SVEP1: variants seen among roughly 807,000 people sequenced by gnomAD.
The protein encoded by SVEP1 is sushi, von Willebrand factor type A, EGF and pentraxin domain containing 1.
In SVEP1, 164 loss-of-function variants were observed where a neutral mutation model predicts 367.3. The ratio of observed to expected loss-of-function variants is 0.45; its 90% CI spans 0.39 to 0.51. SVEP1 has a LOEUF of 0.51. Among genes scored for constraint, SVEP1 ranks in the 20% least tolerant of loss-of-function variants. SVEP1 has a pLI of 0.00. For synonymous variants in SVEP1, 1,666 were observed against 1,611.6 expected, an observed-to-expected ratio of 1.03 and a Z score of -0.81; for missense variants, 4,117 against 4,425.3, an observed-to-expected ratio of 0.93 and a Z score of 1.98.
intron 36 of SVEP1, among the ~76,000 whole-genome samples, chr9:110,414,181 G>C (rs530249307): frequency 2.4e-4 from 37 of 152,130 alleles, no homozygotes; most frequent in African/African-American, 8.7e-4. Flanking sequence ...CATTAGCAAA[G>C]ATTAATTCAT....
chr9:110,445,749 T>A (rs1209816505), intron 26 of SVEP1, 88 bp downstream of exon 26: 1 of 1,449,212 alleles, frequency 6.9e-7, no homozygotes, highest in Non-Finnish European at 9.6e-7. Context: ...CCTGACCCTC[T>A]ACTTTCCCAT....
intron 9 of SVEP1, 90 bp from the exon 10 acceptor site, chr9:110,483,783 C>A: frequency 1.1e-6 from 1 of 898,764 alleles, no homozygotes; most frequent in African/African-American, 1.7e-5. Flanking sequence ...TCGGCTTGTG[C>A]TGGCAGACAG....
At chr9:110,520,348 A>C (rs1008120133) in intron 3 of SVEP1, among the ~76,000 whole-genome samples, 3 of 152,224 alleles carry the variant, frequency 2.0e-5, no homozygotes, top group Non-Finnish European at 4.4e-5. Context: ...CAAGTTTCAC[A>C]AGTCTCCGTA....
chr9:110,484,549 G>A (rs889712725), intron 9 of SVEP1, among the ~76,000 whole-genome samples: 1 of 152,122 alleles, frequency 6.6e-6, no homozygotes, highest in South Asian at 2.1e-4. Context: ...ATTTTATGAC[G>A]AAAACATCAA....
At chr9:110,472,360 G>A (rs745542682) in intron 14 of SVEP1, 37 bp from the exon 15 acceptor site, 2 of 1,525,530 alleles carry the variant, frequency 1.3e-6, no homozygotes, top group Non-Finnish European at 1.8e-6. Flanking sequence ...TGATCACACA[G>A]TTGCTTTTTC....
Position 110,407,935 on chromosome 9 carries a change from G to C in SVEP1, c.7665C>G (p.His2555Gln). ...DVDAPSCNAI[H>Q]CDSPQPIENG... ...TTTCAATGGGTTGTGGGGAATCACA[G>C]TGGATGGCATTGCAAGATGGGGCAT... is the stretch of plus-strand genomic sequence containing the variant. Residue 2555 changes from histidine to glutamine, a missense_variant, in exon 38 of 48, where the codon CAC becomes CAG. By Grantham distance (24) the His-to-Gln change is conservative (BLOSUM62 0). Transcript: ENST00000374469. 1 of 1,613,984 alleles carries C rather than the reference G, an allele frequency of 6.2e-7. No individual in the cohort carries two copies. Among genetic ancestry groups the C allele is most frequent in the Non-Finnish European group, 8.5e-7 (1 of 1,179,890 alleles).
intron 5 of SVEP1, among the ~76,000 whole-genome samples, chr9:110,504,225 T>C (rs1486131844): frequency 6.6e-6 from 1 of 151,236 alleles, no homozygotes; most frequent in Non-Finnish European, 1.5e-5. Context: ...CGGCTATTTT[T>C]TTTTTTGAAT....
intron 17 of SVEP1, among the ~76,000 whole-genome samples, chr9:110,468,159 C>A (rs76830088): frequency 0.028 from 4,262 of 152,286 alleles, 185 homozygotes; most frequent in African/African-American, 0.097. Context: ...CCTAACACAC[C>A]AGGCTAACTG....
chr9:110,378,878 T>C (rs1827391274), intron 44 of SVEP1, among the ~76,000 whole-genome samples: 1 of 151,444 alleles, frequency 6.6e-6, no homozygotes, highest in South Asian at 2.1e-4. Flanking sequence ...AACCCGCATG[T>C]TGTGTGCATG....
chr9:110,484,744 A>G (rs1372091047), intron 9 of SVEP1, among the ~76,000 whole-genome samples: 2 of 149,082 alleles, frequency 1.3e-5, no homozygotes, highest in African/African-American at 2.5e-5. Context: ...GATTTACAAG[A>G]AAAAAAAAAC....
chr9:110,548,410 C>G (rs1830245362), intron 2 of SVEP1, among the ~76,000 whole-genome samples: 1 of 151,940 alleles, frequency 6.6e-6, no homozygotes, highest in African/African-American at 2.4e-5. Context: ...GTATAACAAG[C>G]CATCAGGAAC....
intron 40 of SVEP1, among the ~76,000 whole-genome samples, chr9:110,396,284 T>G (rs1827757640): frequency 6.6e-6 from 1 of 150,912 alleles, no homozygotes; most frequent in African/African-American, 2.4e-5. Context: ...GAAATAAAGA[T>G]GTTCTTTGAA....
Position 110,576,760 on chromosome 9 carries a change from C to G in SVEP1, c.531+2253G>C, listed in dbSNP as rs1013718945. ...TAGATGTAAACTTGAAAAATATATA[C>G]AGGACTTAACTTCTAAAAATCTACA... On this transcript the variant is annotated intron_variant, in intron 1 of 47. Coordinates refer to ENST00000374469, the MANE Select transcript of SVEP1 (RefSeq NM_153366.4). Among the ~76,000 whole-genome samples, 26 of 151,952 alleles carry G rather than the reference C, an allele frequency of 1.7e-4. 1 individual carries two copies. The highest frequency in any genetic ancestry group is 1.7e-3 in the Admixed American group (26 of 15,276).
intron 27 of SVEP1, 35 bp downstream of exon 27, chr9:110,443,510 T>C (rs769503048): frequency 6.6e-7 from 1 of 1,520,482 alleles, no homozygotes; most frequent in Non-Finnish European, 8.9e-7. Flanking sequence ...ACCTCTAGAG[T>C]CCAACAGAAT....
intron 24 of SVEP1, among the ~76,000 whole-genome samples, chr9:110,447,773 C>T (rs1828625419): frequency 1.3e-5 from 2 of 152,156 alleles, no homozygotes; most frequent in African/African-American, 2.4e-5. Context: ...GCACAAGGTG[C>T]ACAGGGACCC....
intron 12 of SVEP1, 123 bp from the exon 13 acceptor site, chr9:110,479,879 AC>A: frequency 7.5e-7 from 1 of 1,340,964 alleles, no homozygotes. Flanking sequence ...TGTTATAAAA[AC>A]AAGAGATGAC....
chr9:110,527,846 C>T (rs1758305998), intron 3 of SVEP1, among the ~76,000 whole-genome samples: 1 of 151,480 alleles, frequency 6.6e-6, no homozygotes, highest in African/African-American at 2.4e-5. Context: ...TTTTATCCCT[C>T]ACTCCCCTCC....
intron 1 of SVEP1, among the ~76,000 whole-genome samples, chr9:110,570,317 T>C (rs1471869537): frequency 6.6e-6 from 1 of 152,188 alleles, no homozygotes; most frequent in Non-Finnish European, 1.5e-5. Flanking sequence ...TGTTCACTTG[T>C]ATTTATCAAA....
chr9:110,569,496 T>G lies in SVEP1; in HGVS notation c.531+9517A>C, dbSNP rs887904625. ...AAAATTTGAGGCTATTGGGGCTGTT[T>G]CAGAGAAATTAAGAAAAGAGTTCAT... is the stretch of plus-strand genomic sequence containing the variant. On this transcript the variant is annotated intron_variant, in intron 1 of 47. Transcript: ENST00000374469. Among the ~76,000 whole-genome samples the G allele has an allele frequency of 2.6e-5, 4 of 151,994 alleles. 1 individual carries two copies. The South Asian group carries it at 8.3e-4, about 32-fold the overall frequency.
Sources: gnomAD v4.1 joint callset for allele counts (sites outside exome capture counted in the v4.1 genomes callset) on GRCh38, gnomAD v4.1.1 for gene constraint, MANE v1.5 for transcripts, NCBI Gene and HGNC (gene_info 2026-07-23, HGNC 2026-07-21) for gene names.